ROBO1: variants seen among roughly 807,000 people sequenced by gnomAD.
The protein encoded by ROBO1 is roundabout homolog 1.
In ROBO1, 149 loss-of-function variants were observed where a neutral mutation model predicts 195.9. That is an observed-to-expected ratio of 0.76 (90% CI 0.67 to 0.87). The LOEUF (loss-of-function observed/expected upper bound fraction) is 0.87. ROBO1 is among the 40% of genes least tolerant of loss of function. ROBO1 has a pLI of 0.00. For missense variants in ROBO1, 1,933 were observed against 2,068.3 expected (o/e 0.93, Z 1.27); for synonymous variants, 816 against 733.2 (o/e 1.11, Z -1.82).
chr3:79,015,573 G>A (rs1216583889), intron 3 of ROBO1, among the ~76,000 whole-genome samples: 3 of 151,998 alleles, frequency 2.0e-5, no homozygotes, highest in Admixed American at 1.3e-4. Flanking sequence ...ACATGGATTC[G>A]TTTCAAGGCT....
At chr3:79,464,002 G>A (rs1379300202) in intron 2 of ROBO1, among the ~76,000 whole-genome samples, 5 of 152,000 alleles carry the variant, frequency 3.3e-5, no homozygotes, top group South Asian at 2.1e-4. Context: ...TGCCTTTTCC[G>A]AACATTTCGT....
intron 1 of ROBO1, among the ~76,000 whole-genome samples, chr3:79,612,284 G>GT (rs1944684727): frequency 6.7e-6 from 1 of 148,386 alleles, no homozygotes; most frequent in Non-Finnish European, 1.5e-5. Context: ...GCGGTGTTTG[G>GT]TTTTTTGTTC....
intron 1 of ROBO1, among the ~76,000 whole-genome samples, chr3:79,630,355 G>A (rs1049837061): frequency 1.3e-5 from 2 of 152,006 alleles, no homozygotes; most frequent in Admixed American, 6.6e-5. Context: ...ATCAATAGAT[G>A]TGATTAACCT....
At chr3:78,707,305 T>C (rs1185455745) in intron 8 of ROBO1, among the ~76,000 whole-genome samples, 1 of 152,150 alleles carries the variant, frequency 6.6e-6, no homozygotes, top group African/African-American at 2.4e-5. Context: ...GTCTCCCCTA[T>C]TGCATGTCAG....
At chr3:79,489,407 G>A (rs1365481532) in intron 2 of ROBO1, among the ~76,000 whole-genome samples, 1 of 152,084 alleles carries the variant, frequency 6.6e-6, no homozygotes, top group Non-Finnish European at 1.5e-5. Flanking sequence ...TGTAATCTCA[G>A]CACTTTGGGA....
chr3:78,603,328 G>C (rs1703283803), intron 29 of ROBO1, among the ~76,000 whole-genome samples: 1 of 151,950 alleles, frequency 6.6e-6, no homozygotes, highest in Non-Finnish European at 1.5e-5. Context: ...CTTTTCTTAG[G>C]AAAGAGATCT....
intron 2 of ROBO1, among the ~76,000 whole-genome samples, chr3:79,519,539 G>T (rs980879858): frequency 3.4e-5 from 5 of 145,914 alleles, no homozygotes; most frequent in Admixed American, 1.4e-4. Flanking sequence ...TGAGGCAGGA[G>T]AATGGCGTGA....
rs1190573987 is a variant in ROBO1 at position 79,575,564 on chromosome 3, A to G, written c.88+14260T>C. Among the ~76,000 whole-genome samples the G allele has an allele frequency of 2.9e-5, 4 of 137,752 alleles. No homozygotes were observed. In the South Asian group the frequency reaches 8.8e-4, roughly 30 times the overall value. 90.4% of individuals were successfully genotyped at this position (137,752 alleles called of 152,430 possible). On this transcript the variant is annotated intron_variant, in intron 2 of 30. Transcript: ENST00000464233. ...ATATAAATATATATAACAAATATAT[A>G]TAAATATATATAACAAATTTTATAT... is the stretch of plus-strand genomic sequence containing the variant.
chr3:79,250,644 T>C (rs1026145320), intron 2 of ROBO1, among the ~76,000 whole-genome samples: 2 of 152,092 alleles, frequency 1.3e-5, no homozygotes, highest in African/African-American at 2.4e-5. Flanking sequence ...AATGATTATA[T>C]TGGCAAAAGA....
intron 1 of ROBO1, among the ~76,000 whole-genome samples, chr3:79,664,824 C>A (rs1350169333): frequency 6.6e-6 from 1 of 151,924 alleles, no homozygotes; most frequent in Non-Finnish European, 1.5e-5. Context: ...TCAATGCCTT[C>A]CGGTACTGTA....
chr3:79,623,559 C>T (rs1452354330), intron 1 of ROBO1, among the ~76,000 whole-genome samples: 1 of 152,106 alleles, frequency 6.6e-6, no homozygotes, highest in African/African-American at 2.4e-5. Context: ...ACATAAGAAT[C>T]AACAGTTGAA....
chr3:79,549,141 G>A (rs1424677749), intron 2 of ROBO1, among the ~76,000 whole-genome samples: 1 of 152,148 alleles, frequency 6.6e-6, no homozygotes, highest in Non-Finnish European at 1.5e-5. Flanking sequence ...ATTTCAAGCA[G>A]AGTAATTTTT....
At chr3:78,918,023 T>C (rs914153894) in intron 4 of ROBO1, among the ~76,000 whole-genome samples, 5 of 151,914 alleles carry the variant, frequency 3.3e-5, no homozygotes, top group Non-Finnish European at 2.9e-5. Context: ...GAAATGCACA[T>C]GGAAATGCCA....
At chr3:79,548,092 T>C (rs1942339399) in intron 2 of ROBO1, among the ~76,000 whole-genome samples, 1 of 152,176 alleles carries the variant, frequency 6.6e-6, no homozygotes, top group African/African-American at 2.4e-5. Context: ...GTTGAATTAA[T>C]AGCAAAATGC....
At chr3:79,080,549 A>G (rs950649330) in intron 3 of ROBO1, among the ~76,000 whole-genome samples, 12 of 152,220 alleles carry the variant, frequency 7.9e-5, no homozygotes, top group African/African-American at 2.4e-4. Flanking sequence ...ATAGGGATAT[A>G]AACTAAAGTT....
intron 3 of ROBO1, among the ~76,000 whole-genome samples, chr3:79,020,893 A>G (rs2078087306): frequency 6.6e-6 from 1 of 152,144 alleles, no homozygotes; most frequent in East Asian, 1.9e-4. Flanking sequence ...GATAGGGCAG[A>G]GAAGGAGGAT....
chr3:79,694,338 G>A (rs900894875), intron 1 of ROBO1, among the ~76,000 whole-genome samples: 1 of 151,746 alleles, frequency 6.6e-6, no homozygotes, highest in Admixed American at 6.6e-5. Context: ...TCTCTTTTAG[G>A]TCGACTGTTT....
chr3:78,698,902 G>C (rs6769933), intron 8 of ROBO1, among the ~76,000 whole-genome samples: 1 of 151,902 alleles, frequency 6.6e-6, no homozygotes, highest in Admixed American at 6.6e-5. Context: ...GTTAACAAAC[G>C]TTGGTAGTTA....
intron 2 of ROBO1, among the ~76,000 whole-genome samples, chr3:79,296,237 T>C (rs1297430848): frequency 6.6e-6 from 1 of 152,168 alleles, no homozygotes; most frequent in Admixed American, 6.5e-5. Flanking sequence ...CACAGATACG[T>C]TTATTACCTT....
Sources: gnomAD v4.1 joint callset for allele counts (sites outside exome capture counted in the v4.1 genomes callset) on GRCh38, gnomAD v4.1.1 for gene constraint, MANE v1.5 for transcripts, NCBI Gene and HGNC (gene_info 2026-07-23, HGNC 2026-07-21) for gene names.